Variants in LOC112694756 observed in about 807,000 individuals in gnomAD.
At chr16:30,069,782 T>C in the LOC112694756 span, 7 of 1,613,068 alleles carry the variant, frequency 4.3e-6, no homozygotes, top group Non-Finnish European at 5.1e-6. Context: ...CCTGCCAGCT[T>C]CCTGGGTCTC....
the LOC112694756 span, among the ~76,000 whole-genome samples, chr16:30,059,709 C>T: frequency 2.7e-5 from 4 of 150,414 alleles, no homozygotes; most frequent in South Asian, 6.3e-4. Flanking sequence ...ATTACAGGCA[C>T]CTGCCACCAT....
the LOC112694756 span, among the ~76,000 whole-genome samples, chr16:30,061,750 A>T: frequency 6.6e-6 from 1 of 150,536 alleles, no homozygotes; most frequent in African/African-American, 2.4e-5. Flanking sequence ...AGTAGAGAAG[A>T]GGTTTCGCCA....
the LOC112694756 span, among the ~76,000 whole-genome samples, chr16:30,055,880 A>G: frequency 2.0e-4 from 30 of 151,858 alleles, no homozygotes; most frequent in African/African-American, 6.0e-4. Flanking sequence ...GCTCACTGCA[A>G]CCTCCACCTC....
chr16:30,069,376 A>G, the LOC112694756 span: 3 of 1,614,108 alleles, frequency 1.9e-6, no homozygotes, highest in South Asian at 2.2e-5. Flanking sequence ...CGCTGCCAGT[A>G]TGTGACCGAG....
At chr16:30,066,201 T>C in the LOC112694756 span, 1 of 152,250 alleles carries the variant, frequency 6.6e-6, no homozygotes, top group African/African-American at 2.4e-5. Context: ...GGCAAAGGAT[T>C]AGGGCCCCTT....
chr16:30,054,503 G>C, the LOC112694756 span: 3 of 277,516 alleles, frequency 1.1e-5, no homozygotes, highest in Admixed American at 5.3e-5. Context: ...TGGCAAGGGA[G>C]TCAGAGACAA....
the LOC112694756 span, chr16:30,065,562 C>T: frequency 1.3e-5 from 2 of 152,354 alleles, no homozygotes; most frequent in Non-Finnish European, 2.9e-5. Flanking sequence ...TGGTCCGAGT[C>T]ACGTCCGAGG....
the LOC112694756 span, chr16:30,067,277 T>C: frequency 6.2e-7 from 1 of 1,612,502 alleles, no homozygotes; most frequent in Middle Eastern, 2.1e-4. Context: ...TATCCAGCAC[T>C]GACCCCGGAG....
the LOC112694756 span, chr16:30,070,276 A>T: frequency 3.9e-6 from 6 of 1,532,978 alleles, no homozygotes; most frequent in South Asian, 6.7e-5. Context: ...CTTGAAGAGG[A>T]GGCCGCCTCC....
At chr16:30,064,824 T>A in the LOC112694756 span, 37 of 232,870 alleles carry the variant, frequency 1.6e-4, 1 homozygote, top group African/African-American at 8.4e-4. Context: ...GGGGATGGGG[T>A]TGGGGTTGGG....
chr16:30,069,413 G>A, the LOC112694756 span: 3 of 1,613,970 alleles, frequency 1.9e-6, no homozygotes, highest in South Asian at 1.1e-5. Context: ...TGCCTGACCA[G>A]TGCAAGGTGG....
chr16:30,070,289 G>C, the LOC112694756 span: 1 of 1,431,642 alleles, frequency 7.0e-7, no homozygotes, highest in Non-Finnish European at 9.8e-7. Context: ...CCGCCTCCTC[G>C]GGGCTCCAGG....
chr16:30,068,062 A>ATTT, the LOC112694756 span: 271 of 176,782 alleles, frequency 1.5e-3, 3 homozygotes, highest in African/African-American at 5.5e-3. Context: ...TTTTAAGTAA[A>ATTT]TTTTTTTTTT....
chr16:30,065,268 C>T, the LOC112694756 span, among the ~76,000 whole-genome samples: 1 of 152,214 alleles, frequency 6.6e-6, no homozygotes, highest in African/African-American at 2.4e-5. Flanking sequence ...CGCGCCGATT[C>T]AGCCCGCGGG....
At chr16:30,069,594 C>A in the LOC112694756 span, 1 of 1,614,096 alleles carries the variant, frequency 6.2e-7, no homozygotes, top group Non-Finnish European at 8.5e-7. Flanking sequence ...GCCATGCTTG[C>A]ACTCAGAAGT....
At chr16:30,055,738 GT>G in the LOC112694756 span, among the ~76,000 whole-genome samples, 8 of 150,890 alleles carry the variant, frequency 5.3e-5, no homozygotes, top group African/African-American at 7.3e-5. Flanking sequence ...GAACTAAGTT[GT>G]TTTTTTTTCT....
chr16:30,065,019 G>C, the LOC112694756 span, among the ~76,000 whole-genome samples: 21 of 152,386 alleles, frequency 1.4e-4, no homozygotes, highest in African/African-American at 4.6e-4. Flanking sequence ...AGCGGCCGGT[G>C]CATAGCCGCG....
chr16:30,054,441 T>TG, the LOC112694756 span: 2 of 197,714 alleles, frequency 1.0e-5, no homozygotes, highest in African/African-American at 4.6e-5. Context: ...GGGGCAAAAT[T>TG]GCAGGTTGGA....
chr16:30,055,012 C>CTGAGACACTTGACATTTAGCCCT, the LOC112694756 span: 1 of 169,260 alleles, frequency 5.9e-6, no homozygotes, highest in African/African-American at 3.0e-5. Flanking sequence ...GGCTCTTACC[C>CTGAGACACTTGACATTTAGCCCT]TGAGACACTT....
Sources: gnomAD v4.1 joint callset for allele counts (sites outside exome capture counted in the v4.1 genomes callset) on GRCh38, gnomAD v4.1.1 for gene constraint, MANE v1.5 for transcripts.